ZBBX: variants seen among roughly 807,000 people sequenced by gnomAD.
ZBBX encodes the protein zinc finger B-box domain-containing protein 1.
In ZBBX, 101 loss-of-function variants were observed where a neutral mutation model predicts 108.5. The ratio of observed to expected loss-of-function variants is 0.93; its 90% confidence interval spans 0.79 to 1.10. The LOEUF (loss-of-function observed/expected upper bound fraction) is 1.10. ZBBX is among the 50% of genes least tolerant of loss of function. ZBBX has a pLI of 0.00. For synonymous variants in ZBBX, 356 were observed against 323.4 expected, an observed-to-expected ratio of 1.10 and a Z score of -1.08; for missense variants, 1,009 against 941.4, an observed-to-expected ratio of 1.07 and a Z score of -0.94.
chr3:167,395,769 G>A (rs1030298577), intron 1 of ZBBX, among the ~76,000 whole-genome samples: 1 of 151,846 alleles, frequency 6.6e-6, no homozygotes, highest in Non-Finnish European at 1.5e-5. Flanking sequence ...TTGCCTTTTT[G>A]TCTATGCATA....
chr3:167,222,366 G>T, the ZBBX span, among the ~76,000 whole-genome samples: 1 of 151,792 alleles, frequency 6.6e-6, no homozygotes, highest in Non-Finnish European at 1.5e-5. Context: ...CAAAACAATT[G>T]AACTTAAGGA....
chr3:167,343,638 T>C (rs957854732), intron 9 of ZBBX, among the ~76,000 whole-genome samples: 1 of 151,912 alleles, frequency 6.6e-6, no homozygotes, highest in African/African-American at 2.4e-5. Context: ...TTGACATCAT[T>C]AGTCATCAAA....
Position 167,288,859 on chromosome 3 carries a change from A to G in ZBBX, c.1996+8T>C. On this transcript the variant is annotated splice_region_variant and intron_variant, in intron 19 of 21. Coordinates refer to ENST00000675490, the MANE Select transcript of ZBBX (RefSeq NM_001199201.2). ...AACATGGCACTGCTGCCTTTGAGTCAATGTTACCCATCTTTTGCTGTTTTC... is the reference window on the plus strand; with the variant it reads ...AACATGGCACTGCTGCCTTTGAGTCGATGTTACCCATCTTTTGCTGTTTTC... 1 of 1,522,198 alleles carries G rather than the reference A, an allele frequency of 6.6e-7. No individual in the cohort carries two copies. Among genetic ancestry groups the G allele is most frequent in the Non-Finnish European group, 8.9e-7 (1 of 1,128,342 alleles). 94.3% of individuals were successfully genotyped at this position (1,522,198 alleles called of 1,614,324 possible). A position where few individuals can be genotyped will look rare whatever the true frequency, so the allele number is the denominator to read the frequency against.
chr3:167,236,135 C>T (rs1362240186), downstream of ZBBX, among the ~76,000 whole-genome samples: 1 of 151,660 alleles, frequency 6.6e-6, no homozygotes, highest in Non-Finnish European at 1.5e-5. Flanking sequence ...TTTAAAACAG[C>T]TTTGAATTTA....
At chr3:167,398,933 G>A (rs9878695) in intron 1 of ZBBX, among the ~76,000 whole-genome samples, 1,668 of 151,876 alleles carry the variant, frequency 0.011, 27 homozygotes, top group Middle Eastern at 0.045. Context: ...CTGGATTAAT[G>A]GGTTATCATG....
downstream of ZBBX, among the ~76,000 whole-genome samples, chr3:167,238,426 C>G (rs924402226): frequency 2.0e-5 from 3 of 152,014 alleles, no homozygotes; most frequent in African/African-American, 7.2e-5. Context: ...GTTTGTTAAT[C>G]AGTTTCAATA....
intron 20 of ZBBX, among the ~76,000 whole-genome samples, chr3:167,244,206 T>A (rs908743541): frequency 6.6e-6 from 1 of 152,186 alleles, no homozygotes; most frequent in Non-Finnish European, 1.5e-5. Context: ...CTCACCAATA[T>A]TGTAAATCAC....
At chr3:167,271,577 A>G (rs1041039508) in intron 20 of ZBBX, among the ~76,000 whole-genome samples, 1 of 152,230 alleles carries the variant, frequency 6.6e-6, no homozygotes, top group African/African-American at 2.4e-5. Flanking sequence ...CCTCACTTGC[A>G]TCAAGGGACC....
chr3:167,293,127 A>C (rs545070476), intron 18 of ZBBX, among the ~76,000 whole-genome samples: 2 of 152,346 alleles, frequency 1.3e-5, no homozygotes, highest in Non-Finnish European at 2.9e-5. Context: ...AGGTACAAAG[A>C]GGAGCTGGTA....
At chr3:167,360,574 A>T in intron 7 of ZBBX, 101 bp downstream of exon 7, 1 of 657,140 alleles carries the variant, frequency 1.5e-6, no homozygotes, top group Non-Finnish European at 2.2e-6. Context: ...TAGAATCTTT[A>T]TACTGCCCGG....
intron 1 of ZBBX, 85 bp from the exon 2 acceptor site, chr3:167,379,877 T>C (rs1309360892): frequency 6.6e-6 from 1 of 152,156 alleles, no homozygotes; most frequent in Non-Finnish European, 1.5e-5. Context: ...AAGGGGCTAG[T>C]ATTTGAAAGG....
intron 18 of ZBBX, among the ~76,000 whole-genome samples, chr3:167,290,758 C>T (rs1465719841): frequency 2.0e-5 from 3 of 152,110 alleles, no homozygotes; most frequent in African/African-American, 4.8e-5. Flanking sequence ...ACAAACTCCT[C>T]TGAGCTAAAG....
In ZBBX at chr3:167,263,266, C is replaced by T. The variant is rs915548087; in HGVS notation, c.2254+18972G>A. On this transcript the variant is annotated intron_variant, in intron 20 of 21. Coordinates refer to ENST00000675490, the MANE Select transcript of ZBBX (RefSeq NM_001199201.2). ...TCAGCCTCCCAAAGTGCTGGGATTACAGGCATGAGCTATGGTGCCTGTCCT... is the reference window on the plus strand; with the variant it reads ...TCAGCCTCCCAAAGTGCTGGGATTATAGGCATGAGCTATGGTGCCTGTCCT... Among the ~76,000 whole-genome samples the T allele has an allele frequency of 2.0e-5, 3 of 152,124 alleles. No individual in the cohort carries two copies. The South Asian group carries it at 6.2e-4, about 31-fold the overall frequency.
intron 1 of ZBBX, among the ~76,000 whole-genome samples, chr3:167,388,498 T>C (rs567467137): frequency 2.0e-5 from 3 of 151,936 alleles, no homozygotes; most frequent in Non-Finnish European, 4.4e-5. Flanking sequence ...AGAATATTAA[T>C]GCAATCTTCC....
the ZBBX span, among the ~76,000 whole-genome samples, chr3:167,226,221 C>G: frequency 6.6e-6 from 1 of 151,730 alleles, no homozygotes; most frequent in Non-Finnish European, 1.5e-5. Flanking sequence ...TGTGTGATTC[C>G]TTTCTGCAAG....
chr3:167,280,753 G>T (rs796814072), intron 20 of ZBBX, among the ~76,000 whole-genome samples: 2 of 151,700 alleles, frequency 1.3e-5, no homozygotes, highest in Admixed American at 6.6e-5. Flanking sequence ...CCCATTACTG[G>T]GTATATACCC....
intron 20 of ZBBX, among the ~76,000 whole-genome samples, chr3:167,246,599 G>C (rs1319412137): frequency 6.6e-6 from 1 of 152,166 alleles, no homozygotes; most frequent in East Asian, 1.9e-4. Flanking sequence ...GGAACTTAAA[G>C]ACCATGAAGA....
intron 20 of ZBBX, among the ~76,000 whole-genome samples, chr3:167,267,354 G>A (rs773509576): frequency 3.3e-4 from 50 of 152,254 alleles, no homozygotes; most frequent in Admixed American, 1.9e-3. Flanking sequence ...GGAATTGAGC[G>A]TTAATAAGCC....
chr3:167,178,986 T>A, the ZBBX span, among the ~76,000 whole-genome samples: 4 of 152,116 alleles, frequency 2.6e-5, no homozygotes, highest in South Asian at 8.3e-4. Context: ...TGTTTAATAT[T>A]CCATATAGAG....
Sources: allele counts gnomAD v4.1 joint callset (sites outside exome capture counted in the v4.1 genomes callset), GRCh38; gene constraint gnomAD v4.1.1; transcripts MANE v1.5; gene names NCBI Gene and HGNC (gene_info 2026-07-23, HGNC 2026-07-21).